Variants in ATP8B4 observed in about 807,000 individuals in gnomAD.
The protein encoded by ATP8B4 is ATPase phospholipid transporting 8B4 (putative).
In ATP8B4, 133 loss-of-function variants were observed where a neutral mutation model predicts 145.6. The ratio of observed to expected loss-of-function variants is 0.91; its 90% CI spans 0.79 to 1.05. The LOEUF (loss-of-function observed/expected upper bound fraction) is 1.05, where lower values mean the gene tolerates loss of function less well. Among genes scored for constraint, ATP8B4 ranks in the 50% least tolerant of loss-of-function variants. ATP8B4 has a pLI of 0.00. For missense variants in ATP8B4, 1,458 were observed against 1,425.2 expected, an observed-to-expected ratio of 1.02 and a Z score of -0.37; for synonymous variants, 507 against 492.9, an observed-to-expected ratio of 1.03 and a Z score of -0.38.
intron 23 of ATP8B4, among the ~76,000 whole-genome samples, chr15:49,890,102 T>C (rs1204456434): frequency 2.0e-5 from 3 of 152,238 alleles, no homozygotes; most frequent in East Asian, 3.9e-4. Flanking sequence ...TGTAGGTTCC[T>C]TGAGGGTAGG....
intron 13 of ATP8B4, 117 bp downstream of exon 13, chr15:49,972,465 C>T: frequency 2.2e-6 from 2 of 894,828 alleles, no homozygotes; most frequent in Non-Finnish European, 3.3e-6. Flanking sequence ...GCTGACGGTG[C>T]CCATATTAAT....
intron 14 of ATP8B4, among the ~76,000 whole-genome samples, chr15:49,948,803 T>C (rs547409630): frequency 6.6e-6 from 1 of 151,592 alleles, no homozygotes; most frequent in African/African-American, 2.4e-5. Flanking sequence ...TTTAGTTTAA[T>C]TACATCCCAT....
upstream of ATP8B4, among the ~76,000 whole-genome samples, chr15:50,122,816 A>G (rs2057281919): frequency 6.6e-6 from 1 of 152,198 alleles, no homozygotes; most frequent in African/African-American, 2.4e-5. Flanking sequence ...CTCACTAAAG[A>G]ATGAGAATTG....
At position 49,931,141 on chromosome 15, in the gene ATP8B4, G is replaced by A; in HGVS notation, c.1620C>T (p.Thr540=). 1 of 1,610,724 alleles carries A rather than the reference G, an allele frequency of 6.2e-7. No homozygotes were observed. The highest frequency in any genetic ancestry group is 8.5e-7 in the Non-Finnish European group (1 of 1,178,076). ...QLLAFLDFNN[T]RKRMSVIVRN... ...TACCTATGACAGACATCCTTTTTCT[G>A]GTGTTGTTGAAATCCAAAAAGGCAA... Residue 540 remains threonine, a synonymous_variant, in exon 16 of 28, where the codon ACC becomes ACT. Transcript: ENST00000284509.
intron 10 of ATP8B4, among the ~76,000 whole-genome samples, 188 bp from the exon 11 acceptor site, chr15:49,981,482 T>G (rs1450865361): frequency 6.6e-6 from 1 of 152,220 alleles, no homozygotes; most frequent in African/African-American, 2.4e-5. Context: ...TCCTGGAAGC[T>G]GCAAGAGATG....
intron 12 of ATP8B4, among the ~76,000 whole-genome samples, chr15:49,977,491 A>G (rs2045774063): frequency 6.6e-6 from 1 of 152,148 alleles, no homozygotes. Flanking sequence ...CACTGTCCCA[A>G]CTCTCAGAAG....
chr15:49,948,576 G>A (rs2153486736), intron 14 of ATP8B4, among the ~76,000 whole-genome samples: 1 of 152,130 alleles, frequency 6.6e-6, no homozygotes, highest in South Asian at 2.1e-4. Context: ...TTTTTCATAT[G>A]TTTGTTAGCC....
At chr15:50,160,533 C>T (rs763045254) in intron 1 of ATP8B4, among the ~76,000 whole-genome samples, 10 of 150,646 alleles carry the variant, frequency 6.6e-5, no homozygotes, top group Non-Finnish European at 1.2e-4. Flanking sequence ...ACTTGCTTCT[C>T]GGTGCTGCTT....
chr15:50,158,046 T>C (rs1222711727), intron 1 of ATP8B4, among the ~76,000 whole-genome samples: 2 of 152,234 alleles, frequency 1.3e-5, no homozygotes, highest in Admixed American at 6.5e-5. Context: ...CGGAGTCTCG[T>C]TCACTCAGTG....
intron 1 of ATP8B4, among the ~76,000 whole-genome samples, chr15:50,154,681 A>T (rs1016798011): frequency 1.3e-5 from 2 of 148,454 alleles, no homozygotes; most frequent in African/African-American, 2.5e-5. Flanking sequence ...ATATTCAGCA[A>T]TTTTTTTTTT....
At chr15:50,086,654 A>G (rs1174546992) in intron 2 of ATP8B4, among the ~76,000 whole-genome samples, 2 of 113,584 alleles carry the variant, frequency 1.8e-5, no homozygotes, top group African/African-American at 7.5e-5. Flanking sequence ...TATATAATAA[A>G]ATAATAGAGA....
At chr15:49,985,518 T>C (rs1452649108) in intron 10 of ATP8B4, among the ~76,000 whole-genome samples, 1 of 152,220 alleles carries the variant, frequency 6.6e-6, no homozygotes, top group Non-Finnish European at 1.5e-5. Context: ...AACCACTAAT[T>C]CTTCTGTTTG....
chr15:49,976,899 T>C (rs575889798), intron 12 of ATP8B4, among the ~76,000 whole-genome samples: 1 of 152,112 alleles, frequency 6.6e-6, no homozygotes, highest in Non-Finnish European at 1.5e-5. Flanking sequence ...GCTTATAATT[T>C]CACCCAGTCT....
intron 9 of ATP8B4, 58 bp downstream of exon 9, chr15:49,996,619 T>C: frequency 1.5e-6 from 2 of 1,326,430 alleles, no homozygotes; most frequent in Non-Finnish European, 2.1e-6. Context: ...CACATTACTT[T>C]GTTGCATTGC....
intron 1 of ATP8B4, among the ~76,000 whole-genome samples, chr15:50,151,409 A>C (rs977149898): frequency 6.6e-6 from 1 of 152,214 alleles, no homozygotes; most frequent in Admixed American, 6.5e-5. Flanking sequence ...CCAGAGAGTA[A>C]CAACTTTTTG....
intron 20 of ATP8B4, among the ~76,000 whole-genome samples, chr15:49,913,935 A>T (rs113232508): frequency 6.6e-6 from 1 of 151,966 alleles, no homozygotes; most frequent in South Asian, 2.1e-4. Context: ...TATTGTTAAA[A>T]TTATCATACT....
At chr15:49,968,611 C>G (rs2044782613) in intron 13 of ATP8B4, among the ~76,000 whole-genome samples, 1 of 151,930 alleles carries the variant, frequency 6.6e-6, no homozygotes, top group South Asian at 2.1e-4. Flanking sequence ...CAGGAGCACC[C>G]AGATTCATAA....
At chr15:49,918,660 T>C (rs1311548175) in intron 19 of ATP8B4, among the ~76,000 whole-genome samples, 179 bp downstream of exon 19, 2 of 152,246 alleles carry the variant, frequency 1.3e-5, no homozygotes, top group Non-Finnish European at 2.9e-5. Flanking sequence ...TTTGTTAGTT[T>C]GGTTTGTTTT....
At chr15:49,917,763 C>A (rs2039890960) in intron 19 of ATP8B4, among the ~76,000 whole-genome samples, 2 of 152,088 alleles carry the variant, frequency 1.3e-5, no homozygotes, top group South Asian at 4.2e-4. Context: ...CTAGCTAATT[C>A]TATGGAATCA....
Sources: gnomAD v4.1 joint callset for allele counts (sites outside exome capture counted in the v4.1 genomes callset) on GRCh38, gnomAD v4.1.1 for gene constraint, MANE v1.5 for transcripts, NCBI Gene and HGNC (gene_info 2026-07-23, HGNC 2026-07-21) for gene names.